The following ZFHX4 variants were observed in gnomAD, a reference collection of about 807,000 sequenced individuals.
ZFHX4 encodes zinc finger homeobox protein 4.
In ZFHX4, 56 loss-of-function variants were observed where a neutral mutation model predicts 267.6. That is an observed-to-expected ratio of 0.21 (90% confidence interval 0.17 to 0.26). The LOEUF (loss-of-function observed/expected upper bound fraction) is 0.26. Ranked by LOEUF, ZFHX4 falls within the 10% of genes least tolerant of loss-of-function variation. The pLI is 1.00. For missense variants in ZFHX4, 4,332 were observed against 4,420.0 expected (o/e 0.98, Z 0.56); for synonymous variants, 1,778 against 1,665.6 (o/e 1.07, Z -1.64).
rs187414638 is a variant in ZFHX4 at position 76,857,176 on chromosome 8, T to A, written c.9379+876T>A. On this transcript the variant is annotated intron_variant, in intron 10 of 10. Coordinates refer to ENST00000651372, the MANE Select transcript of ZFHX4 (RefSeq NM_024721.5). ...ATTATATTATGTTAAAGAAATGGAATATAACGTGCTAGCCAATCATGTAGC... is the reference window on the plus strand; with the variant it reads ...ATTATATTATGTTAAAGAAATGGAAAATAACGTGCTAGCCAATCATGTAGC... 1.2e-4 allele frequency among the ~76,000 whole-genome samples: 18 copies of A among 152,142 alleles called. No homozygotes were observed. The East Asian group carries it at 3.5e-3, about 29-fold the overall frequency.
intron 3 of ZFHX4, among the ~76,000 whole-genome samples, chr8:76,771,435 T>C (rs940213642): frequency 1.3e-5 from 2 of 151,986 alleles, no homozygotes; most frequent in African/African-American, 4.8e-5. Flanking sequence ...GTTTTTGCTT[T>C]TTTGTTTTGT....
intron 4 of ZFHX4, among the ~76,000 whole-genome samples, chr8:76,783,492 A>G (rs934194988): frequency 2.6e-5 from 4 of 152,000 alleles, no homozygotes; most frequent in Admixed American, 1.3e-4. Flanking sequence ...TTTTTAAAAA[A>G]GTACATATTG....
At chr8:76,796,880 T>A in intron 4 of ZFHX4, among the ~76,000 whole-genome samples, 1 of 152,206 alleles carries the variant, frequency 6.6e-6, no homozygotes, top group East Asian at 1.9e-4. Flanking sequence ...CTACCCATCT[T>A]TTTCATACAA....
chr8:76,809,464 G>A (rs1018209210), intron 4 of ZFHX4, among the ~76,000 whole-genome samples: 16 of 152,110 alleles, frequency 1.1e-4, no homozygotes, highest in Non-Finnish European at 1.8e-4. Context: ...AATACAAATT[G>A]TATTACATGA....
chr8:76,832,917 A>T (rs572956683), intron 4 of ZFHX4, among the ~76,000 whole-genome samples: 1 of 152,278 alleles, frequency 6.6e-6, no homozygotes, highest in African/African-American at 2.4e-5. Context: ...CACATCAGCT[A>T]TCATATACAG....
chr8:76,835,267 A>ATATG (rs1812063702), intron 5 of ZFHX4, among the ~76,000 whole-genome samples: 1 of 131,164 alleles, frequency 7.6e-6, no homozygotes, highest in African/African-American at 2.9e-5. Context: ...ATATTCATAC[A>ATATG]TATATTTGTT....
At chr8:76,804,945 G>T (rs1265891346) in intron 4 of ZFHX4, among the ~76,000 whole-genome samples, 4 of 152,062 alleles carry the variant, frequency 2.6e-5, no homozygotes, top group African/African-American at 9.7e-5. Context: ...CCTGAAAACT[G>T]CTCTGAACAT....
chr8:76,708,513 T>C (rs900523504), intron 3 of ZFHX4, among the ~76,000 whole-genome samples: 1 of 152,218 alleles, frequency 6.6e-6, no homozygotes, highest in African/African-American at 2.4e-5. Flanking sequence ...TTCTTTGTTT[T>C]CTTGTGTGTG....
intron 3 of ZFHX4, among the ~76,000 whole-genome samples, chr8:76,752,534 G>T (rs960130794): frequency 1.1e-4 from 17 of 151,014 alleles, no homozygotes; most frequent in Middle Eastern, 3.5e-3. Context: ...AGCTGGGCAT[G>T]GTGGCACATG....
chr8:76,829,265 C>A (rs1180186044), intron 4 of ZFHX4, among the ~76,000 whole-genome samples: 1 of 124,720 alleles, frequency 8.0e-6, no homozygotes, highest in Non-Finnish European at 1.6e-5. Context: ...AAATTGTTAT[C>A]CCAATTAGCC....
intron 3 of ZFHX4, among the ~76,000 whole-genome samples, chr8:76,716,791 G>A (rs1305597592): frequency 6.6e-6 from 1 of 152,168 alleles, no homozygotes; most frequent in African/African-American, 2.4e-5. Flanking sequence ...GTTAGCTGCT[G>A]TATGTCCTGG....
At chr8:76,771,457 G>C (rs922719393) in intron 3 of ZFHX4, among the ~76,000 whole-genome samples, 1 of 151,878 alleles carries the variant, frequency 6.6e-6, no homozygotes, top group Admixed American at 6.6e-5. Flanking sequence ...TTGTTTTGAA[G>C]AGATAAGATC....
chr8:76,741,827 G>A (rs1809324396), intron 3 of ZFHX4, among the ~76,000 whole-genome samples: 1 of 152,248 alleles, frequency 6.6e-6, no homozygotes, highest in African/African-American at 2.4e-5. Flanking sequence ...AGTGGTCAAA[G>A]CTTTTGTGTA....
At chr8:76,792,103 C>A (rs1810853862) in intron 4 of ZFHX4, among the ~76,000 whole-genome samples, 1 of 152,132 alleles carries the variant, frequency 6.6e-6, no homozygotes, top group East Asian at 1.9e-4. Flanking sequence ...GTTACAAATA[C>A]TTCCAAAACC....
Position 76,866,995 on chromosome 8 carries a change from A to G in ZFHX4, c.*2430A>G, listed in dbSNP as rs572206385. On this transcript the variant is annotated 3_prime_UTR_variant, in exon 11 of 11. Coordinates refer to ENST00000651372, the MANE Select transcript of ZFHX4 (RefSeq NM_024721.5). ...AAATGCACCCTGAGGTTTTAATAAA[A>G]GCCCCTATGGCTATAACTTTAAATA... is the stretch of plus-strand genomic sequence containing the variant. 1.4e-4 allele frequency: 21 copies of G among 152,724 alleles called. No individual in the cohort carries two copies. Among genetic ancestry groups the G allele is most frequent in the African/African-American group, 4.8e-4 (20 of 41,574 alleles). The allele number at this position is 152,724 out of a possible 1,614,324, so 9.5% of individuals were successfully genotyped here. A position where few individuals can be genotyped will look rare whatever the true frequency, so the allele number is the denominator to read the frequency against.
chr8:76,796,044 G>A (rs1186938413), intron 4 of ZFHX4, among the ~76,000 whole-genome samples: 1 of 152,064 alleles, frequency 6.6e-6, no homozygotes, highest in Non-Finnish European at 1.5e-5. Flanking sequence ...GTTTAAATCA[G>A]GAGAGAAATA....
chr8:76,776,933 G>T (rs774097903), intron 3 of ZFHX4, among the ~76,000 whole-genome samples: 14 of 152,078 alleles, frequency 9.2e-5, no homozygotes, highest in Non-Finnish European at 1.8e-4. Flanking sequence ...GGGAGGTGGG[G>T]GAGGGAAGGT....
In ZFHX4 at chr8:76,724,445, T is replaced by C. The variant is rs543865984; in HGVS notation, c.3093+16397T>C. On this transcript the variant is annotated intron_variant, in intron 3 of 10. Coordinates refer to ENST00000651372, the MANE Select transcript of ZFHX4 (RefSeq NM_024721.5). ...AAGTAAGTCATTGATGGTATTACCC[T>C]ATCTTTCACATTGTTTTGCCTCTTA... 2.6e-5 allele frequency among the ~76,000 whole-genome samples: 4 copies of C among 152,238 alleles called. No individual in the cohort carries two copies. In the South Asian group the frequency reaches 8.3e-4, roughly 32 times the overall value.
intron 4 of ZFHX4, among the ~76,000 whole-genome samples, chr8:76,806,477 A>T (rs1811248634): frequency 6.6e-6 from 1 of 152,078 alleles, no homozygotes; most frequent in Non-Finnish European, 1.5e-5. Context: ...ATTAGCAAAT[A>T]ATTTTTTAAG....
Sources: gnomAD v4.1 joint callset for allele counts (sites outside exome capture counted in the v4.1 genomes callset) on GRCh38, gnomAD v4.1.1 for gene constraint, MANE v1.5 for transcripts, NCBI Gene and HGNC (gene_info 2026-07-23, HGNC 2026-07-21) for gene names.